Variants in WDR7 observed in about 807,000 individuals in gnomAD.
The protein encoded by WDR7 is WD repeat domain 7.
In WDR7, 46 loss-of-function variants were observed where a neutral mutation model predicts 169.4. The ratio of observed to expected loss-of-function variants is 0.27; its 90% CI spans 0.21 to 0.35. WDR7 has a LOEUF of 0.35. Among genes scored for constraint, WDR7 ranks in the 10% least tolerant of loss-of-function variants. The probability of loss-of-function intolerance (pLI) is 1.00; values close to 1 mark genes in which losing one functional copy is unlikely to be tolerated. For missense variants in WDR7, 1,534 were observed against 1,859.3 expected, an observed-to-expected ratio of 0.83 and a Z score of 3.22; for synonymous variants, 612 against 666.8, an observed-to-expected ratio of 0.92 and a Z score of 1.27.
intron 21 of WDR7, among the ~76,000 whole-genome samples, 155 bp downstream of exon 21, chr18:56,880,320 G>T (rs527560463): frequency 3.9e-5 from 6 of 152,346 alleles, no homozygotes; most frequent in Non-Finnish European, 8.8e-5. Context: ...TTTCCCGTTA[G>T]TTACAGTAAC....
chr18:56,782,480 C>T (rs1262387730), intron 19 of WDR7, among the ~76,000 whole-genome samples: 6 of 151,518 alleles, frequency 4.0e-5, no homozygotes, highest in Admixed American at 2.0e-4. Context: ...AAATTTTACC[C>T]TAAATTATAT....
At chr18:56,732,992 A>T (rs930459592) in intron 14 of WDR7, among the ~76,000 whole-genome samples, 1 of 152,212 alleles carries the variant, frequency 6.6e-6, no homozygotes, top group African/African-American at 2.4e-5. Flanking sequence ...TTAAAGAAAA[A>T]TAAGTGGTAC....
chr18:56,890,527 G>T (rs1201868042), intron 21 of WDR7, among the ~76,000 whole-genome samples: 1 of 152,144 alleles, frequency 6.6e-6, no homozygotes, highest in Non-Finnish European at 1.5e-5. Context: ...AGTGGTAGTT[G>T]CAAGTTATGT....
At chr18:56,829,507 T>C (rs1282915247) in intron 20 of WDR7, among the ~76,000 whole-genome samples, 1 of 152,220 alleles carries the variant, frequency 6.6e-6, no homozygotes, top group Non-Finnish European at 1.5e-5. Flanking sequence ...TTTTCCAGGG[T>C]AGGCTTGATT....
In WDR7 at chr18:56,672,690, G is replaced by A; in HGVS notation, c.159+16G>A. On this transcript the variant is annotated intron_variant, in intron 2 of 27. Coordinates refer to ENST00000254442, the MANE Select transcript of WDR7 (RefSeq NM_015285.3). Reference sequence around the variant, plus strand: ...AGAACTGCAAGTGAGTATGTGAAATGCCTATTATACATTTTAGATATAAAA... The same window carrying A: ...AGAACTGCAAGTGAGTATGTGAAATACCTATTATACATTTTAGATATAAAA... The A allele has an allele frequency of 1.3e-6, 2 of 1,593,226 alleles. No individual in the cohort carries two copies. Among genetic ancestry groups the A allele is most frequent in the Non-Finnish European group, 8.5e-7 (1 of 1,170,518 alleles).
Position 56,756,825 on chromosome 18 carries a change from A to G in WDR7, c.2232A>G (p.Gln744=). The part of the protein sequence containing the change: ...LTGKRAAVLF[Q]QVKETIKENI... The stretch of plus-strand genomic sequence containing the variant: ...GAAAACGAGCAGCAGTTCTCTTCCA[A>G]CAAGTGAAAGAAACGATCAAAGAGA... Residue 744 remains glutamine (Q), a synonymous_variant, in exon 15 of 28, where the codon CAA becomes CAG. Transcript: ENST00000254442. 6.2e-7 allele frequency: 1 copy of G among 1,614,122 alleles called. No individual in the cohort carries two copies. The highest frequency in any genetic ancestry group is 1.1e-5 in the South Asian group (1 of 91,082).
At chr18:56,807,185 A>AG (rs756093442) in intron 19 of WDR7, among the ~76,000 whole-genome samples, 8 of 152,048 alleles carry the variant, frequency 5.3e-5, no homozygotes, top group Non-Finnish European at 1.2e-4. Flanking sequence ...AGGATTTCAA[A>AG]GGTACCTTCT....
At chr18:56,730,688 C>T (rs141199399) in intron 13 of WDR7, among the ~76,000 whole-genome samples, 5,315 of 152,146 alleles carry the variant, frequency 0.035, 319 homozygotes, top group African/African-American at 0.12. Flanking sequence ...ATGATGTGAA[C>T]CCAGGAGGCG....
intron 20 of WDR7, among the ~76,000 whole-genome samples, chr18:56,842,889 G>A (rs1226523993): frequency 6.6e-6 from 1 of 152,150 alleles, no homozygotes; most frequent in Non-Finnish European, 1.5e-5. Context: ...CCAAAACAGT[G>A]ACACATTTAT....
chr18:56,729,222 T>G (rs879365435), intron 13 of WDR7, among the ~76,000 whole-genome samples: 36 of 152,304 alleles, frequency 2.4e-4, no homozygotes, highest in Admixed American at 2.0e-3. Context: ...CTGTGAAACT[T>G]TAAGATATCT....
At chr18:57,002,176 A>G (rs1278452269) in intron 26 of WDR7, among the ~76,000 whole-genome samples, 1 of 152,208 alleles carries the variant, frequency 6.6e-6, no homozygotes, top group East Asian at 1.9e-4. Flanking sequence ...CATAGTGTCT[A>G]TGATAATGTA....
intron 26 of WDR7, among the ~76,000 whole-genome samples, chr18:57,004,979 A>G (rs2048035122): frequency 6.6e-6 from 1 of 152,142 alleles, no homozygotes; most frequent in South Asian, 2.1e-4. Flanking sequence ...ATCATATTTA[A>G]AGAGTACTCT....
chr18:56,802,229 T>C (rs1305252110), intron 19 of WDR7, among the ~76,000 whole-genome samples: 1 of 152,240 alleles, frequency 6.6e-6, no homozygotes, highest in Non-Finnish European at 1.5e-5. Flanking sequence ...CATACTTTCA[T>C]ATGATTATTT....
At chr18:56,745,376 A>C (rs2043686335) in intron 14 of WDR7, among the ~76,000 whole-genome samples, 1 of 152,216 alleles carries the variant, frequency 6.6e-6, no homozygotes, top group Non-Finnish European at 1.5e-5. Context: ...AGAATGCTGA[A>C]AGTCTCCAGA....
At position 56,889,094 on chromosome 18, in the gene WDR7, T is replaced by C. The variant is rs1437072; in HGVS notation, c.3526+8929T>C. ...ACTTTGGATAAGGCAGCTTTCCTTA[T>C]CCTAGGGCAAAGCCCACAGAGGGAT... On this transcript the variant is annotated intron_variant, in intron 21 of 27. Coordinates refer to ENST00000254442, the MANE Select transcript of WDR7 (RefSeq NM_015285.3). Among the ~76,000 whole-genome samples, 691 of 152,246 alleles carry C rather than the reference T, an allele frequency of 4.5e-3. 5 individuals carry two copies. The highest frequency in any genetic ancestry group is 0.038 in the Middle Eastern group (11 of 292).
chr18:56,786,219 G>T (rs371401267), intron 19 of WDR7, among the ~76,000 whole-genome samples: 1 of 152,090 alleles, frequency 6.6e-6, no homozygotes, highest in African/African-American at 2.4e-5. Flanking sequence ...TGAAAAGCCA[G>T]CTCACAGATT....
chr18:56,785,020 G>T (rs2044376576), intron 19 of WDR7, among the ~76,000 whole-genome samples: 1 of 151,492 alleles, frequency 6.6e-6, no homozygotes, highest in Non-Finnish European at 1.5e-5. Context: ...CTTCTACATT[G>T]ACTGAGTGTT....
chr18:56,885,736 A>G (rs2046180720), intron 21 of WDR7, among the ~76,000 whole-genome samples: 1 of 151,604 alleles, frequency 6.6e-6, no homozygotes, highest in African/African-American at 2.4e-5. Flanking sequence ...CTGAGGCAGG[A>G]GAATGGCATG....
At chr18:56,941,867 G>A (rs757237087) in intron 25 of WDR7, among the ~76,000 whole-genome samples, 9 of 152,102 alleles carry the variant, frequency 5.9e-5, no homozygotes, top group Non-Finnish European at 8.8e-5. Context: ...AGTGTCTGGC[G>A]TGTGCACACG....
Sources: allele counts gnomAD v4.1 joint callset (sites outside exome capture counted in the v4.1 genomes callset), GRCh38; gene constraint gnomAD v4.1.1; transcripts MANE v1.5; gene names NCBI Gene and HGNC (gene_info 2026-07-23, HGNC 2026-07-21).